The following PCDHA4 variants were observed in gnomAD, a reference collection of about 807,000 sequenced individuals.
The protein encoded by PCDHA4 is protocadherin alpha 4, also known as protocadherin alpha-4.
PCDHA4 carries 49 observed loss-of-function variants against 61.4 expected under a neutral mutation model. That is an observed-to-expected ratio of 0.80 (90% confidence interval 0.63 to 1.01). The LOEUF is 1.01. Ranked by LOEUF, PCDHA4 falls within the 50% of genes least tolerant of loss-of-function variation. PCDHA4 has a pLI of 0.00. For synonymous variants in PCDHA4, 590 were observed against 550.3 expected, an observed-to-expected ratio of 1.07 and a Z score of -1.01; for missense variants, 1,254 against 1,235.8, an observed-to-expected ratio of 1.01 and a Z score of -0.22.
chr5:140,834,252 ACG>A, intron 1 of PCDHA4: 2 of 916,406 alleles, frequency 2.2e-6, no homozygotes, highest in Non-Finnish European at 3.3e-6. Context: ...CACTGGAAAG[ACG>A]CTCCACTCTC....
chr5:140,876,936 G>T, intron 1 of PCDHA4: 1 of 1,613,730 alleles, frequency 6.2e-7, no homozygotes, highest in South Asian at 1.1e-5. Flanking sequence ...AGAAGAACGC[G>T]CTGGTGTCCT....
chr5:140,901,907 A>C (rs1204627106), intron 1 of PCDHA4, among the ~76,000 whole-genome samples: 1 of 150,942 alleles, frequency 6.6e-6, no homozygotes, highest in African/African-American at 2.4e-5. Context: ...CATTGTGGAG[A>C]TCTTTCACTT....
In PCDHA4 at chr5:140,969,317, G is replaced by T. The variant is rs1554231675; in HGVS notation, c.2386-9632G>T. 3 of 1,614,156 alleles carry T rather than the reference G, an allele frequency of 1.9e-6. No homozygotes were observed. The East Asian group carries it at 6.7e-5, about 36-fold the overall frequency. ...CCTGATTATTCTCAAAAATGAGGCT[G>T]TTTCTCAAAATGAGGTGAGACAGTG... is the stretch of plus-strand genomic sequence containing the variant. On this transcript the variant is annotated intron_variant, in intron 1 of 3. Transcript: ENST00000530339.
rs782638942 is a variant in PCDHA4, at chr5:140,876,442, G to T, written c.2385+66870G>T. The T allele has an allele frequency of 1.5e-5, 25 of 1,613,894 alleles. 1 individual carries two copies. The South Asian group carries it at 2.7e-4, about 18-fold the overall frequency. The stretch of plus-strand genomic sequence containing the variant: ...CTATGAAATTCAGGTTAACGCCATT[G>T]ATAAAGGGATTCCTTCCATGGCAGG... On this transcript the variant is annotated intron_variant, in intron 1 of 3. Coordinates refer to ENST00000530339, the MANE Select transcript of PCDHA4 (RefSeq NM_018907.4).
intron 1 of PCDHA4, among the ~76,000 whole-genome samples, chr5:140,904,217 T>C (rs1554191375): frequency 6.6e-6 from 1 of 151,964 alleles, no homozygotes; most frequent in Non-Finnish European, 1.5e-5. Flanking sequence ...CCAAAGTCCA[T>C]TGTATTATAC....
chr5:140,906,744 A>G (rs2072897297), intron 1 of PCDHA4, among the ~76,000 whole-genome samples: 1 of 152,210 alleles, frequency 6.6e-6, no homozygotes, highest in Admixed American at 6.5e-5. Context: ...CCATTGACAC[A>G]GGGCATGGTA....
intron 1 of PCDHA4, among the ~76,000 whole-genome samples, chr5:140,936,335 A>G (rs1278918836): frequency 2.0e-5 from 3 of 152,176 alleles, no homozygotes; most frequent in South Asian, 2.1e-4. Context: ...AATTTTCTCT[A>G]TCTGCATATA....
At chr5:140,862,490 G>A (rs1554156448) in intron 1 of PCDHA4, 5 of 385,338 alleles carry the variant, frequency 1.3e-5, no homozygotes, top group Non-Finnish European at 2.1e-5. Context: ...GTTGGTAATC[G>A]CTCGGAATGG....
intron 1 of PCDHA4, chr5:140,836,186 A>C (rs2150254902): frequency 6.2e-7 from 1 of 1,613,806 alleles, no homozygotes; most frequent in Non-Finnish European, 8.5e-7. Context: ...ACGCTGACTC[A>C]GGCTACAACG....
At chr5:140,882,988 G>A (rs782434208) in intron 1 of PCDHA4, 4 of 1,614,080 alleles carry the variant, frequency 2.5e-6, no homozygotes, top group Non-Finnish European at 3.4e-6. Context: ...ACAACGCCCC[G>A]GAATTTTACC....
chr5:140,922,498 G>C (rs2080865421), intron 1 of PCDHA4, among the ~76,000 whole-genome samples: 1 of 152,230 alleles, frequency 6.6e-6, no homozygotes, highest in African/African-American at 2.4e-5. Context: ...CTGAGAGTGA[G>C]CAGATGCACC....
At chr5:140,828,810 C>A (rs1221308735) in intron 1 of PCDHA4, 7 of 1,614,140 alleles carry the variant, frequency 4.3e-6, no homozygotes, top group African/African-American at 1.3e-5. Context: ...GATAATGCTC[C>A]CACTTTCGAA....
chr5:140,869,415 C>T (rs1444507177), intron 1 of PCDHA4: 2 of 1,614,216 alleles, frequency 1.2e-6, no homozygotes, highest in South Asian at 1.1e-5. Context: ...AGTGCAGCAT[C>T]CACCTGGAGG....
chr5:140,962,889 A>G (rs1554226313), intron 1 of PCDHA4, among the ~76,000 whole-genome samples: 2 of 152,220 alleles, frequency 1.3e-5, no homozygotes, highest in Admixed American at 6.5e-5. Flanking sequence ...GAATTAAAAA[A>G]TGAAAACTAG....
At position 140,927,110 on chromosome 5, in the gene PCDHA4, G is replaced by T; in HGVS notation, c.2386-51839G>T. The T allele has an allele frequency of 3.7e-6, 6 of 1,613,752 alleles. No individual in the cohort carries two copies. The Middle Eastern group carries it at 8.3e-4, about 222-fold the overall frequency. On this transcript the variant is annotated intron_variant, in intron 1 of 3. Transcript: ENST00000530339. ...TACTTCGGGGTGGATCTACCCAGCG[G>T]CAATTTGGTGGTCAGAGAGCCGGCG...
rs906170025 is a variant in PCDHA4 at position 140,935,893 on chromosome 5, T to C, written c.2386-43056T>C. Among the ~76,000 whole-genome samples, 23 of 129,968 alleles carry C rather than the reference T, an allele frequency of 1.8e-4. 1 individual carries two copies. In the Admixed American group the frequency reaches 1.8e-3, roughly 10 times the overall value. The allele number at this position is 129,968 out of a possible 152,430, so 85.3% of individuals were successfully genotyped here. A position where few individuals can be genotyped will look rare whatever the true frequency, so the allele number is the denominator to read the frequency against. ...AATGAGCTCCAATTTATCAATATTA[T>C]CTTTTTTTTTTTTTTTTGAGACAGA... On this transcript the variant is annotated intron_variant, in intron 1 of 3. Transcript: ENST00000530339.
intron 1 of PCDHA4, chr5:140,966,135 T>A (rs1456572936): frequency 1.2e-5 from 2 of 162,166 alleles, no homozygotes; most frequent in African/African-American, 4.8e-5. Context: ...CCCCTCAGTT[T>A]ATTTTCCTGA....
At chr5:141,006,105 G>GT (rs79904017) in intron 3 of PCDHA4, among the ~76,000 whole-genome samples, 4,283 of 143,138 alleles carry the variant, frequency 0.03, 125 homozygotes, top group African/African-American at 0.081. Flanking sequence ...ATGGTAAGGA[G>GT]TTTTTTTTTT....
In PCDHA4 at chr5:140,809,160, C is replaced by T. The variant is rs147908793; in HGVS notation, c.1973C>T (p.Ala658Val). 3 of 1,613,860 alleles carry T rather than the reference C, an allele frequency of 1.9e-6. No individual in the cohort carries two copies. The highest frequency in any genetic ancestry group is 2.7e-5 in the African/African-American group (2 of 74,948). ...LVLVKDHGEPALTATATVLVS... is the reference protein window; with the variant it reads ...LVLVKDHGEPVLTATATVLVS... ...CTGGTGAAGGACCACGGCGAGCCCG[C>T]GCTGACGGCCACGGCCACTGTGCTG... The change falls in exon 1 of 4, where the codon GCG becomes GTG. Residue 658 changes from alanine to valine, a missense_variant. Transcript: ENST00000530339.
Sources: gnomAD v4.1 joint callset for allele counts (sites outside exome capture counted in the v4.1 genomes callset) on GRCh38, gnomAD v4.1.1 for gene constraint, MANE v1.5 for transcripts, NCBI Gene and HGNC (gene_info 2026-07-23, HGNC 2026-07-21) for gene names.